SCN9A: variants seen among roughly 807,000 people sequenced by gnomAD.
The protein encoded by SCN9A is sodium voltage-gated channel alpha subunit 9, also known as sodium channel protein type 9 subunit alpha.
A neutral mutation model predicts 187.0 loss-of-function variants in SCN9A; 131 were observed. The ratio of observed to expected loss-of-function variants is 0.70; its 90% CI spans 0.61 to 0.81. SCN9A has a LOEUF of 0.81. Among genes scored for constraint, SCN9A ranks in the 30% least tolerant of loss-of-function variants. The pLI is 0.00. For synonymous variants in SCN9A, 809 were observed against 808.6 expected (o/e 1.00, Z -0.01); for missense variants, 2,252 against 2,396.6 (o/e 0.94, Z 1.26).
chr2:166,233,311 G>T (rs757205152), intron 21 of SCN9A, 29 bp downstream of exon 21: 2 of 1,433,546 alleles, frequency 1.4e-6, no homozygotes, highest in South Asian at 3.0e-5. Context: ...TAAAAAATAA[G>T]AACATTATAA....
At chr2:166,270,293 T>C (rs554899140) in intron 17 of SCN9A, among the ~76,000 whole-genome samples, 1 of 152,038 alleles carries the variant, frequency 6.6e-6, no homozygotes, top group South Asian at 2.1e-4. Context: ...GTGATTTACT[T>C]TTACATTATA....
chr2:166,331,117 C>A (rs995048368), intron 1 of SCN9A, among the ~76,000 whole-genome samples: 1 of 152,116 alleles, frequency 6.6e-6, no homozygotes, highest in Non-Finnish European at 1.5e-5. Flanking sequence ...AAATAATTAA[C>A]CAATACCATA....
chr2:166,347,900 AT>A (rs760030368), intron 1 of SCN9A, among the ~76,000 whole-genome samples: 3 of 152,122 alleles, frequency 2.0e-5, no homozygotes, highest in Non-Finnish European at 4.4e-5. Flanking sequence ...GAGGATAAAT[AT>A]TTAAAAAAAA....
rs1693691531 is a variant in SCN9A at position 166,204,362 on chromosome 2, CT to C, written c.4500del (p.Asn1502ThrfsTer10). 3 of 1,604,076 alleles carry C rather than the reference CT, an allele frequency of 1.9e-6. No individual in the cohort carries two copies. Among genetic ancestry groups the C allele is most frequent in the Non-Finnish European group, 2.6e-6 (3 of 1,173,450 alleles). ...TAAAGATATATATATTTTTTTACCCCTGGTCGAGGAATTGGCTTTTGTGGCT... is the reference window on the plus strand; with the variant it reads ...TAAAGATATATATATTTTTTTACCCCGGTCGAGGAATTGGCTTTTGTGGCT... ...SKKPQKPIPR[P>X]GNKIQGCIFD... On this transcript the variant is annotated frameshift_variant, in exon 25 of 27. Transcript: ENST00000642356. LOFTEE classifies it high-confidence loss of function.
At chr2:166,277,916 G>C (rs965767623) in intron 15 of SCN9A, 1 of 455,582 alleles carries the variant, frequency 2.2e-6, no homozygotes, top group Non-Finnish European at 3.8e-6. Flanking sequence ...TTATATTAGC[G>C]TGTACTTCAA....
chr2:166,233,372 G>C lies in SCN9A; in HGVS notation c.3892C>G (p.Leu1298Val). The change falls in exon 21 of 27, where the codon CTA (leucine) becomes GTA (valine). Residue 1298 changes from leucine (L) to valine (V), a missense_variant. Transcript: ENST00000642356. Reference sequence around the variant, plus strand: ...CCTTCAAATCTAGATAAGGCTCTTAGAGGTCTTAAAGCTCTCAGTGTCCGA... The same window carrying C: ...CCTTCAAATCTAGATAAGGCTCTTACAGGTCTTAAAGCTCTCAGTGTCCGA... ...SLRTLRALRP[L>V]RALSRFEGMR... 6.4e-7 allele frequency: 1 copy of C among 1,567,116 alleles called. No individual in the cohort carries two copies. Among genetic ancestry groups the C allele is most frequent in the Non-Finnish European group, 8.6e-7 (1 of 1,161,312 alleles).
At chr2:166,292,961 G>A (rs1013041399) in intron 9 of SCN9A, among the ~76,000 whole-genome samples, 11 of 152,036 alleles carry the variant, frequency 7.2e-5, no homozygotes, top group Admixed American at 6.6e-4. Flanking sequence ...GTATGTCCTG[G>A]TACTTAACTA....
intron 1 of SCN9A, among the ~76,000 whole-genome samples, chr2:166,317,467 A>G (rs183502133): frequency 2.0e-4 from 30 of 152,294 alleles, no homozygotes; most frequent in African/African-American, 7.2e-4. Flanking sequence ...CTCATATTAG[A>G]GAATACTTAG....
chr2:166,239,874 G>A (rs542473311), intron 19 of SCN9A, among the ~76,000 whole-genome samples: 2 of 152,260 alleles, frequency 1.3e-5, no homozygotes, highest in South Asian at 4.1e-4. Context: ...AGCCCACAGG[G>A]GTTCTAGCTT....
chr2:166,317,743 A>C (rs1417463849), intron 1 of SCN9A, among the ~76,000 whole-genome samples: 2 of 152,170 alleles, frequency 1.3e-5, no homozygotes, highest in African/African-American at 4.8e-5. Flanking sequence ...CAGTTCATGA[A>C]AATGGTCTTA....
At chr2:166,335,758 T>G (rs1456713099) in intron 1 of SCN9A, among the ~76,000 whole-genome samples, 1 of 151,922 alleles carries the variant, frequency 6.6e-6, no homozygotes, top group African/African-American at 2.4e-5. Flanking sequence ...TTTCACAGAT[T>G]TAGCTGATTT....
At chr2:166,331,494 C>A (rs1387036164) in intron 1 of SCN9A, among the ~76,000 whole-genome samples, 1 of 152,290 alleles carries the variant, frequency 6.6e-6, no homozygotes, top group East Asian at 1.9e-4. Context: ...CAACACCCAA[C>A]CACTCTGTTA....
chr2:166,214,584 G>T lies in SCN9A; in HGVS notation c.4399-10120C>A, dbSNP rs1694247476. Among the ~76,000 whole-genome samples, 3 of 119,276 alleles carry T rather than the reference G, an allele frequency of 2.5e-5. No individual in the cohort carries two copies. In the South Asian group the frequency reaches 8.9e-4, roughly 35 times the overall value. The allele number at this position is 119,276 out of a possible 152,430, so 78.2% of individuals were successfully genotyped here. ...GGCTGGAGTGCAGTGGCGCAATCTC[G>T]GCTCACTGCAAGCTCCGCCTCCCGG... is the stretch of plus-strand genomic sequence containing the variant. On this transcript the variant is annotated intron_variant, in intron 24 of 26. Transcript: ENST00000642356.
At chr2:166,248,318 T>C (rs537766832) in intron 18 of SCN9A, 6 of 152,278 alleles carry the variant, frequency 3.9e-5, no homozygotes, top group African/African-American at 1.4e-4. Context: ...GACAAGCCCA[T>C]GCTTCTCAGT....
At chr2:166,274,027 A>G (rs943554741) in intron 16 of SCN9A, among the ~76,000 whole-genome samples, 4 of 152,180 alleles carry the variant, frequency 2.6e-5, no homozygotes, top group Admixed American at 1.3e-4. Context: ...AATAGTTGTC[A>G]ATGAAAAAGT....
intron 1 of SCN9A, among the ~76,000 whole-genome samples, chr2:166,347,873 G>A (rs1699939829): frequency 6.6e-6 from 1 of 151,964 alleles, no homozygotes; most frequent in Non-Finnish European, 1.5e-5. Flanking sequence ...GTATAATAAG[G>A]TCATGAAGAG....
Position 166,225,702 on chromosome 2 carries a change from G to A in SCN9A, c.4398+865C>T, listed in dbSNP as rs1364534359. Among the ~76,000 whole-genome samples, 8 of 152,156 alleles carry A rather than the reference G, an allele frequency of 5.3e-5. No individual in the cohort carries two copies. The South Asian group carries it at 1.0e-3, about 20-fold the overall frequency. Reference sequence around the variant, plus strand: ...TCATTGCAGATGTAATTAAGATGAAGTCATACTGGAGTGGAGTGGGCTCTT... The same window carrying A: ...TCATTGCAGATGTAATTAAGATGAAATCATACTGGAGTGGAGTGGGCTCTT... On this transcript the variant is annotated intron_variant, in intron 24 of 26. Coordinates refer to ENST00000642356, the MANE Select transcript of SCN9A (RefSeq NM_001365536.1).
At chr2:166,297,831 G>A (rs1031210307) in intron 7 of SCN9A, among the ~76,000 whole-genome samples, 1 of 151,366 alleles carries the variant, frequency 6.6e-6, no homozygotes, top group African/African-American at 2.4e-5. Flanking sequence ...TGTGGGTGGG[G>A]GTAAATAAAT....
intron 19 of SCN9A, among the ~76,000 whole-genome samples, chr2:166,240,239 G>C (rs954434665): frequency 6.6e-6 from 1 of 152,144 alleles, no homozygotes; most frequent in Non-Finnish European, 1.5e-5. Flanking sequence ...AACACAATAA[G>C]TATAAGCTAA....
Sources: allele counts gnomAD v4.1 joint callset (sites outside exome capture counted in the v4.1 genomes callset), GRCh38; gene constraint gnomAD v4.1.1; transcripts MANE v1.5; gene names NCBI Gene and HGNC (gene_info 2026-07-23, HGNC 2026-07-21).